The following SLC13A2 variants were observed in gnomAD, a reference collection of about 807,000 sequenced individuals.
SLC13A2 encodes the protein Na(+)-coupled citrate transporter.
A neutral mutation model predicts 58.5 loss-of-function variants in SLC13A2; 40 were observed. That is an observed-to-expected ratio of 0.68 (90% CI 0.53 to 0.89). SLC13A2 has a LOEUF of 0.89. SLC13A2 is among the 40% of genes least tolerant of loss of function. The pLI, the probability that SLC13A2 is intolerant of heterozygous loss-of-function variation, is 0.00. For missense variants in SLC13A2, 694 were observed against 772.6 expected, an observed-to-expected ratio of 0.90 and a Z score of 1.21; for synonymous variants, 341 against 331.6, an observed-to-expected ratio of 1.03 and a Z score of -0.31.
intron 1 of SLC13A2, among the ~76,000 whole-genome samples, chr17:28,480,348 T>C (rs1019834670): frequency 2.6e-5 from 4 of 152,008 alleles, no homozygotes; most frequent in Admixed American, 6.6e-5. Flanking sequence ...AAAATCTGTG[T>C]AGTTAAAATA....
chr17:28,493,902 G>A (rs782236613), intron 7 of SLC13A2, 113 bp downstream of exon 7: 1 of 1,459,534 alleles, frequency 6.9e-7, no homozygotes, highest in African/African-American at 1.4e-5. Flanking sequence ...GGTGGGGGAT[G>A]AAGGTTCCCC....
chr17:28,477,474 G>A (rs60274997), intron 1 of SLC13A2, among the ~76,000 whole-genome samples: 24 of 151,862 alleles, frequency 1.6e-4, no homozygotes, highest in Middle Eastern at 3.4e-3. Flanking sequence ...GATTACAGGC[G>A]TGAGCCACCA....
At chr17:28,489,376 C>A (rs1555602693) in intron 2 of SLC13A2, 34 bp downstream of exon 2, 2 of 1,597,026 alleles carry the variant, frequency 1.3e-6, no homozygotes, top group South Asian at 2.2e-5. Context: ...GCGTTCTGGG[C>A]AGTGCGGGAG....
At position 28,491,606 on chromosome 17, in the gene SLC13A2, C is replaced by G; in HGVS notation, c.744C>G (p.Gly248=). ...TGTAPNLVLQ[G]QINSLFPQNG... Reference sequence around the variant, plus strand: ...CCGCACCCAACCTGGTGCTGCAAGGCCAGATCAACTCGTGAGTGACAAGGG... The same window carrying G: ...CCGCACCCAACCTGGTGCTGCAAGGGCAGATCAACTCGTGAGTGACAAGGG... Residue 248 remains glycine, a synonymous_variant, in exon 5 of 12, where the codon GGC becomes GGG. Transcript: ENST00000314669. The G allele has an allele frequency of 6.2e-7, 1 of 1,612,982 alleles. No individual in the cohort carries two copies. Among genetic ancestry groups the G allele is most frequent in the Non-Finnish European group, 8.5e-7 (1 of 1,179,620 alleles).
chr17:28,483,973 T>A (rs1159026330), intron 1 of SLC13A2, among the ~76,000 whole-genome samples: 1 of 152,168 alleles, frequency 6.6e-6, no homozygotes, highest in Admixed American at 6.5e-5. Context: ...CAGTCTGCCC[T>A]TCAGGCCAGC....
intron 6 of SLC13A2, 36 bp downstream of exon 6, chr17:28,491,888 C>T: frequency 6.2e-7 from 1 of 1,606,026 alleles, no homozygotes; most frequent in Non-Finnish European, 8.5e-7. Context: ...GCCCAGGTCC[C>T]TGCCCTTAGC....
At chr17:28,485,302 C>T (rs895231168) in intron 1 of SLC13A2, among the ~76,000 whole-genome samples, 3 of 152,198 alleles carry the variant, frequency 2.0e-5, no homozygotes, top group Non-Finnish European at 4.4e-5. Flanking sequence ...TGCAGTGCAG[C>T]AGTCCTGGGG....
At position 28,490,833 on chromosome 17, in the gene SLC13A2, C is replaced by A. The variant is rs192486018; in HGVS notation, c.501C>A (p.Asn167Lys). The A allele has an allele frequency of 1.2e-6, 2 of 1,614,112 alleles. No individual in the cohort carries two copies. Among genetic ancestry groups the A allele is most frequent in the Non-Finnish European group, 8.5e-7 (1 of 1,180,028 alleles). ...DQLHSSQASS[N>K]VEEGSNNPTF... ...TGCACAGCTCGCAAGCCAGCAGCAA[C>A]GTCGAGGAGGGCAGCAACAACCCCA... The change falls in exon 4 of 12, where the codon AAC (asparagine) becomes AAA (lysine). Residue 167 changes from asparagine to lysine, a missense_variant. Physicochemically the swap from Asn to Lys is moderately conservative, Grantham distance 94. Coordinates refer to ENST00000314669, the MANE Select transcript of SLC13A2 (RefSeq NM_003984.4).
chr17:28,477,028 T>C (rs1176304731), intron 1 of SLC13A2, among the ~76,000 whole-genome samples: 1 of 151,476 alleles, frequency 6.6e-6, no homozygotes, highest in African/African-American at 2.4e-5. Context: ...AGCATGGTGG[T>C]GCACACCTGT....
chr17:28,475,589 ACAC>A (rs1555599752), intron 1 of SLC13A2, among the ~76,000 whole-genome samples: 1 of 152,186 alleles, frequency 6.6e-6, no homozygotes, highest in Non-Finnish European at 1.5e-5. Flanking sequence ...GACACTGTCT[ACAC>A]CACAAGCGCA....
Position 28,494,345 on chromosome 17 carries a change from GC to G in SLC13A2, c.1187-44del, listed in dbSNP as rs531418325. 937 of 1,614,120 alleles carry G rather than the reference GC, an allele frequency of 5.8e-4. 1 individual carries two copies. The highest frequency in any genetic ancestry group is 7.4e-4 in the Non-Finnish European group (870 of 1,180,026). On this transcript the variant is annotated intron_variant, in intron 8 of 11. Transcript: ENST00000314669. The surrounding 1 kb of genome is among the most constrained non-coding windows in gnomAD (Gnocchi z 4.0). Reference sequence around the variant, plus strand: ...GAGCCCGCAAATGGAGAGGGGAAAGGCCTGTTTGTTCTTTGGTGACCCATCC... The same window carrying G: ...GAGCCCGCAAATGGAGAGGGGAAAGGCTGTTTGTTCTTTGGTGACCCATCC...
At chr17:28,483,542 C>G (rs782104538) in intron 1 of SLC13A2, among the ~76,000 whole-genome samples, 2 of 152,116 alleles carry the variant, frequency 1.3e-5, no homozygotes, top group African/African-American at 4.8e-5. Context: ...GAGGCTGAGG[C>G]AGGAGGATTA....
intron 4 of SLC13A2, 99 bp downstream of exon 4, chr17:28,491,005 G>C: frequency 8.4e-7 from 1 of 1,188,664 alleles, no homozygotes; most frequent in Non-Finnish European, 1.2e-6. Flanking sequence ...GGAGCCTTTG[G>C]GGAGAGAAGA....
At position 28,496,671 on chromosome 17, in the gene SLC13A2, C is replaced by G; in HGVS notation, c.1608+84C>G. The G allele has an allele frequency of 6.6e-7, 1 of 1,520,976 alleles. No individual in the cohort carries two copies. 94.2% of individuals were successfully genotyped at this position (1,520,976 alleles called of 1,614,324 possible). On this transcript the variant is annotated intron_variant, in intron 11 of 11. Transcript: ENST00000314669. The surrounding 1 kb of genome is among the most constrained non-coding windows in gnomAD (Gnocchi z 4.2). ...TAGTGAACCACAAAGCAGCTTAAAG[C>G]CACTGAGAGTCTCAGAGTTGAGCGG... is the stretch of plus-strand genomic sequence containing the variant.
intron 1 of SLC13A2, 101 bp from the exon 2 acceptor site, chr17:28,489,113 C>G: frequency 7.3e-7 from 1 of 1,372,320 alleles, no homozygotes; most frequent in East Asian, 2.3e-5. Flanking sequence ...AGGCTCTCCC[C>G]AGGCAGTCAC....
intron 1 of SLC13A2, among the ~76,000 whole-genome samples, chr17:28,474,743 A>G (rs1330759852): frequency 2.0e-5 from 3 of 152,200 alleles, no homozygotes; most frequent in Non-Finnish European, 4.4e-5. Context: ...TTCAATCTTC[A>G]GTCAGTCGGC....
intron 11 of SLC13A2, 74 bp from the exon 12 acceptor site, chr17:28,497,025 C>G (rs1433530748): frequency 6.6e-7 from 1 of 1,514,294 alleles, no homozygotes; most frequent in Non-Finnish European, 9.0e-7. Context: ...CTCCTGTGCA[C>G]CCCCAAACAC....
In SLC13A2 at chr17:28,496,622, C is replaced by G. The variant is rs764371438; in HGVS notation, c.1608+35C>G. On this transcript the variant is annotated intron_variant, in intron 11 of 11. Transcript: ENST00000314669. The surrounding 1 kb of genome is among the most constrained non-coding windows in gnomAD (Gnocchi z 4.2). ...AGGGAGGCCTGAATGCCTCATCCCT[C>G]CTTCCTGCTCTGACTTTTCATCTTA... The G allele has an allele frequency of 1.3e-6, 2 of 1,585,030 alleles. No individual in the cohort carries two copies. The highest frequency in any genetic ancestry group is 2.3e-5 in the South Asian group (2 of 87,980).
intron 1 of SLC13A2, chr17:28,487,657 G>A (rs2068907156): frequency 1.2e-6 from 1 of 826,392 alleles, no homozygotes; most frequent in African/African-American, 1.9e-5. Flanking sequence ...TAGTCCAAGG[G>A]GAGGGTAACT....
Sources: gnomAD v4.1 joint callset for allele counts (sites outside exome capture counted in the v4.1 genomes callset) on GRCh38, gnomAD v4.1.1 for gene constraint, Gnocchi (gnomAD v3.1) non-coding constraint, MANE v1.5 for transcripts, NCBI Gene and HGNC (gene_info 2026-07-23, HGNC 2026-07-21) for gene names.